PHYHIPL: variants seen among roughly 807,000 people sequenced by gnomAD.
The protein encoded by PHYHIPL is phytanoyl-CoA hydroxylase-interacting protein-like.
In PHYHIPL, 9 loss-of-function variants were observed where a neutral mutation model predicts 33.4. The observed-to-expected ratio is 0.27, with a 90% CI of 0.16 to 0.47. The LOEUF (loss-of-function observed/expected upper bound fraction) is 0.47. Among genes scored for constraint, PHYHIPL ranks in the 20% least tolerant of loss-of-function variants. The probability of loss-of-function intolerance (pLI) is 0.99; values close to 1 mark genes in which losing one functional copy is unlikely to be tolerated. For synonymous variants in PHYHIPL, 153 were observed against 154.1 expected, an observed-to-expected ratio of 0.99 and a Z score of 0.05; for missense variants, 365 against 460.7, an observed-to-expected ratio of 0.79 and a Z score of 1.90.
In PHYHIPL at chr10:59,176,909, A is replaced by T; in HGVS notation, c.56A>T (p.Glu19Val). ...ALNSPTSPCE[E>V]VIKNLSLEAI... ...AACAGCCCCACCAGCCCCTGTGAGGAGGTGATCAAAAACCTCAGCCTGGAG... is the reference window on the plus strand; with the variant it reads ...AACAGCCCCACCAGCCCCTGTGAGGTGGTGATCAAAAACCTCAGCCTGGAG... Residue 19 changes from glutamate (E) to valine (V), a missense_variant, in exon 1 of 5, where the codon GAG becomes GTG. Glu to Val is a moderately radical substitution (Grantham distance 121, BLOSUM62 -2). Around this residue, in one of 4 missense-constraint regions of PHYHIPL, gnomAD observed 89 missense variants for 78.3 expected, o/e 1.14. Transcript: ENST00000373880. 6.2e-7 allele frequency: 1 copy of T among 1,613,602 alleles called. No individual in the cohort carries two copies. Among genetic ancestry groups the T allele is most frequent in the Non-Finnish European group, 8.5e-7 (1 of 1,179,790 alleles).
At position 59,176,778 on chromosome 10, in the gene PHYHIPL, C is replaced by G. The variant is rs1456190003; in HGVS notation, c.-76C>G. On this transcript the variant is annotated 5_prime_UTR_variant, in exon 1 of 5. Coordinates refer to ENST00000373880, the MANE Select transcript of PHYHIPL (RefSeq NM_032439.4). ...TCCCTCTGCCACTCCCCCTCCCTTT[C>G]CCGCTCTTCTTGCCCACCCGGCCGG... The G allele has an allele frequency of 7.4e-7, 1 of 1,345,756 alleles. No homozygotes were observed. Among genetic ancestry groups the G allele is most frequent in the East Asian group, 2.5e-5 (1 of 39,780 alleles). 83.4% of individuals were successfully genotyped at this position (1,345,756 alleles called of 1,614,324 possible).
chr10:59,212,906 AT>A (rs1839504124), intron 1 of PHYHIPL, among the ~76,000 whole-genome samples: 2 of 152,200 alleles, frequency 1.3e-5, no homozygotes, highest in African/African-American at 2.4e-5. Flanking sequence ...TAGATAATAA[AT>A]TAATGATAAA....
At chr10:59,182,784 T>C (rs1838446252) in intron 1 of PHYHIPL, among the ~76,000 whole-genome samples, 1 of 152,066 alleles carries the variant, frequency 6.6e-6, no homozygotes, top group Non-Finnish European at 1.5e-5. Flanking sequence ...GGACTGGAAA[T>C]GGTATATAAG....
In PHYHIPL at chr10:59,246,365, T is replaced by G. The variant is rs941744443; in HGVS notation, c.*774T>G. 3.8e-6 allele frequency: 1 copy of G among 262,814 alleles called. No individual in the cohort carries two copies. The highest frequency in any genetic ancestry group is 6.4e-5 in the East Asian group (1 of 15,548). The allele number at this position is 262,814 out of a possible 1,614,324, so 16.3% of individuals were successfully genotyped here. Reference sequence around the variant, plus strand: ...TCTGATTCATAAAAGTTATAAAATATTAGGTAAATACAGAGAAAACAATAA... The same window carrying G: ...TCTGATTCATAAAAGTTATAAAATAGTAGGTAAATACAGAGAAAACAATAA... On this transcript the variant is annotated 3_prime_UTR_variant, in exon 5 of 5. Transcript: ENST00000373880.
At chr10:59,220,151 A>C (rs1002080587) in intron 1 of PHYHIPL, among the ~76,000 whole-genome samples, 4 of 152,122 alleles carry the variant, frequency 2.6e-5, no homozygotes, top group African/African-American at 9.7e-5. Flanking sequence ...TTAATACTAT[A>C]AAATGATAAA....
intron 1 of PHYHIPL, among the ~76,000 whole-genome samples, chr10:59,178,823 G>T (rs1159544778): frequency 6.6e-6 from 1 of 152,060 alleles, no homozygotes; most frequent in African/African-American, 2.4e-5. Flanking sequence ...TTATTTTTTA[G>T]TTGTTTCTTT....
upstream of PHYHIPL, among the ~76,000 whole-genome samples, chr10:59,174,857 A>G (rs978091963): frequency 1.3e-5 from 2 of 152,196 alleles, no homozygotes; most frequent in African/African-American, 4.8e-5. Flanking sequence ...TTTTCAATAT[A>G]TATCTTTCTT....
intron 1 of PHYHIPL, among the ~76,000 whole-genome samples, chr10:59,185,319 A>T (rs1838559716): frequency 6.6e-6 from 1 of 152,154 alleles, no homozygotes. Flanking sequence ...GCTGCATAGT[A>T]TTCCATGGTG....
rs557444820 is a variant in PHYHIPL at position 59,244,379 on chromosome 10, C to T, written c.597-678C>T. On this transcript the variant is annotated intron_variant, in intron 4 of 4. Transcript: ENST00000373880. ...CAAGAGATCAAACCATCCTGGCCAACGTGGTGAAACCCCGTCTGTAGTAAA... is the reference window on the plus strand; with the variant it reads ...CAAGAGATCAAACCATCCTGGCCAATGTGGTGAAACCCCGTCTGTAGTAAA... Among the ~76,000 whole-genome samples, 247 of 152,012 alleles carry T rather than the reference C, an allele frequency of 1.6e-3. 1 individual carries two copies. The highest frequency in any genetic ancestry group is 5.8e-3 in the African/African-American group (239 of 41,504).
intron 4 of PHYHIPL, among the ~76,000 whole-genome samples, chr10:59,238,924 G>C (rs1053033296): frequency 6.6e-6 from 1 of 151,796 alleles, no homozygotes; most frequent in African/African-American, 2.4e-5. Context: ...TGTGATACCA[G>C]TTCCTGCCCA....
At chr10:59,217,936 G>A (rs186600766) in intron 1 of PHYHIPL, among the ~76,000 whole-genome samples, 117 of 152,170 alleles carry the variant, frequency 7.7e-4, no homozygotes, top group African/African-American at 2.5e-3. Flanking sequence ...ACTAAGATCA[G>A]ACTTTTATAC....
At chr10:59,191,942 C>T (rs1838794521) in intron 1 of PHYHIPL, among the ~76,000 whole-genome samples, 1 of 152,022 alleles carries the variant, frequency 6.6e-6, no homozygotes. Context: ...TCATAGTAAA[C>T]TCTTAATCTG....
chr10:59,205,691 T>C (rs568493434), intron 1 of PHYHIPL, among the ~76,000 whole-genome samples: 1 of 152,202 alleles, frequency 6.6e-6, no homozygotes, highest in African/African-American at 2.4e-5. Context: ...TTTTCAGTAG[T>C]ATGTGGGCCG....
At position 59,245,172 on chromosome 10, in the gene PHYHIPL, A is replaced by T. The variant is rs1840611639; in HGVS notation, c.712A>T (p.Thr238Ser). 1 of 1,614,136 alleles carries T rather than the reference A, an allele frequency of 6.2e-7. No individual in the cohort carries two copies. Among genetic ancestry groups the T allele is most frequent in the East Asian group, 2.2e-5 (1 of 44,864 alleles). ...CTTCAGCTGCAGCACTGAATTCAAT[A>T]CTGGAAAGCCACCCCAGGATTCACC... ...IFFSCSTEFN[T>S]GKPPQDSPYG... Residue 238 changes from threonine (T) to serine (S), a missense_variant, in exon 5 of 5, where the codon ACT becomes TCT. Physicochemically the swap from Thr to Ser is moderately conservative, Grantham distance 58 (BLOSUM62 1). Coordinates refer to ENST00000373880, the MANE Select transcript of PHYHIPL (RefSeq NM_032439.4).
At chr10:59,205,100 C>G (rs1435368272) in intron 1 of PHYHIPL, among the ~76,000 whole-genome samples, 1 of 152,200 alleles carries the variant, frequency 6.6e-6, no homozygotes, top group Non-Finnish European at 1.5e-5. Flanking sequence ...GGTGATCTGC[C>G]TGCCTTGGCC....
upstream of PHYHIPL, among the ~76,000 whole-genome samples, chr10:59,175,109 C>T (rs1020553064): frequency 2.4e-4 from 37 of 152,122 alleles, no homozygotes; most frequent in Non-Finnish European, 2.5e-4. Context: ...GCCAGGCTTT[C>T]GAACACAGAA....
intron 1 of PHYHIPL, among the ~76,000 whole-genome samples, chr10:59,232,073 G>T (rs985098908): frequency 6.6e-6 from 1 of 152,006 alleles, no homozygotes; most frequent in Non-Finnish European, 1.5e-5. Flanking sequence ...GTGAGAGAAA[G>T]AGGATAGGTT....
intron 1 of PHYHIPL, among the ~76,000 whole-genome samples, chr10:59,226,997 C>A (rs1450342192): frequency 6.6e-6 from 1 of 151,816 alleles, no homozygotes; most frequent in East Asian, 1.9e-4. Context: ...AAAAGATGCA[C>A]CTAAAAAGTT....
Position 59,245,805 on chromosome 10 carries a change from TAA to T in PHYHIPL, c.*215_*216del, listed in dbSNP as rs774459143. 4 of 525,276 alleles carry T rather than the reference TAA, an allele frequency of 7.6e-6. No homozygotes were observed. The highest frequency in any genetic ancestry group is 3.0e-5 in the South Asian group (1 of 33,824). The allele number at this position is 525,276 out of a possible 1,614,324, so 32.5% of individuals were successfully genotyped here. On this transcript the variant is annotated 3_prime_UTR_variant, in exon 5 of 5. Coordinates refer to ENST00000373880, the MANE Select transcript of PHYHIPL (RefSeq NM_032439.4). ...CACTACTTTCAATGATGAAATACCC[TAA>T]GTTAAGTTCTCCTTTTGACACTTTA...
Sources: allele counts gnomAD v4.1 joint callset (sites outside exome capture counted in the v4.1 genomes callset), GRCh38; gene constraint gnomAD v4.1.1; regional missense constraint gnomAD v4.1.1; transcripts MANE v1.5; gene names NCBI Gene and HGNC (gene_info 2026-07-23, HGNC 2026-07-21).